The following RFX7 variants were observed in gnomAD, a reference collection of about 807,000 sequenced individuals.
The protein encoded by RFX7 is DNA-binding protein RFX7.
RFX7 carries 26 observed loss-of-function variants against 111.8 expected under a neutral mutation model. That is an observed-to-expected ratio of 0.23 (90% confidence interval 0.17 to 0.32). The LOEUF (loss-of-function observed/expected upper bound fraction) is 0.32. Ranked by LOEUF, RFX7 falls within the 10% of genes least tolerant of loss-of-function variation. The probability of loss-of-function intolerance (pLI) is 1.00; values close to 1 mark genes in which losing one functional copy is unlikely to be tolerated. For missense variants in RFX7, 1,573 were observed against 1,772.9 expected, an observed-to-expected ratio of 0.89 and a Z score of 2.02; for synonymous variants, 624 against 624.4, an observed-to-expected ratio of 1.00 and a Z score of 0.01.
At chr15:56,211,743 G>A (rs1329925344) in intron 2 of RFX7, among the ~76,000 whole-genome samples, 1 of 152,094 alleles carries the variant, frequency 6.6e-6, no homozygotes, top group Non-Finnish European at 1.5e-5. Context: ...CTTCACCGAA[G>A]ATGTACAGAT....
At chr15:56,171,026 T>C (rs777782201) in intron 3 of RFX7, among the ~76,000 whole-genome samples, 3 of 152,126 alleles carry the variant, frequency 2.0e-5, no homozygotes, top group Non-Finnish European at 2.9e-5. Flanking sequence ...ACGACTATGA[T>C]GATAGTGTGG....
At chr15:56,151,783 A>C (rs552759684) in intron 3 of RFX7, among the ~76,000 whole-genome samples, 28 of 152,340 alleles carry the variant, frequency 1.8e-4, no homozygotes, top group African/African-American at 6.3e-4. Flanking sequence ...TAAAGAGTCA[A>C]GACCCATCAG....
At chr15:56,197,708 T>C (rs2043158336) in intron 2 of RFX7, among the ~76,000 whole-genome samples, 1 of 152,052 alleles carries the variant, frequency 6.6e-6, no homozygotes. Context: ...AAAGTAGGGA[T>C]AGGAGTGTGG....
rs370288561 is a variant in RFX7, at chr15:56,094,773, G to A, written c.2955C>T (p.Ala985=). 15 of 1,610,930 alleles carry A rather than the reference G, an allele frequency of 9.3e-6. No individual in the cohort carries two copies. The highest frequency in any genetic ancestry group is 1.7e-5 in the Admixed American group (1 of 59,586). The change falls in exon 10 of 10, where the codon GCC becomes GCT. Residue 985 remains alanine, a synonymous_variant. Coordinates refer to ENST00000559447, the MANE Select transcript of RFX7 (RefSeq NM_022841.7). ...LSRESPCSRL[A]QTTPVDSALG... Reference sequence around the variant, plus strand: ...AAGCACTATCCACAGGTGTAGTCTGGGCTAGCCTGGAGCAAGGGCTCTCCC... The same window carrying A: ...AAGCACTATCCACAGGTGTAGTCTGAGCTAGCCTGGAGCAAGGGCTCTCCC...
chr15:56,203,995 G>A (rs1232436585), intron 2 of RFX7, among the ~76,000 whole-genome samples: 1 of 150,896 alleles, frequency 6.6e-6, no homozygotes, highest in Non-Finnish European at 1.5e-5. Flanking sequence ...GGGTCTGATT[G>A]GGACCTCTTT....
intron 2 of RFX7, among the ~76,000 whole-genome samples, chr15:56,226,898 T>C (rs772463954): frequency 1.5e-4 from 23 of 152,000 alleles, no homozygotes; most frequent in Non-Finnish European, 2.8e-4. Context: ...GGAGTGGGAG[T>C]GGCCAACCAT....
chr15:56,220,549 CTTAAT>C (rs1299040988), intron 2 of RFX7, among the ~76,000 whole-genome samples: 88 of 151,504 alleles, frequency 5.8e-4, no homozygotes, highest in Admixed American at 5.3e-4. Context: ...TTTTTTTCTG[CTTAAT>C]TTAAGTTCCT....
intron 5 of RFX7, among the ~76,000 whole-genome samples, chr15:56,142,214 A>T (rs1387376772): frequency 6.6e-6 from 1 of 152,190 alleles, no homozygotes; most frequent in Non-Finnish European, 1.5e-5. Context: ...AGGGCTCATC[A>T]GCCTCTGTAT....
chr15:56,143,354 TACACAC>T (rs10596362), intron 4 of RFX7, among the ~76,000 whole-genome samples: 31 of 149,822 alleles, frequency 2.1e-4, no homozygotes, highest in African/African-American at 7.1e-4. Context: ...CATATATACA[TACACAC>T]ACACACACAC....
In RFX7 at chr15:56,137,236, A is replaced by G. The variant is rs2042316433; in HGVS notation, c.401+5542T>C. Among the ~76,000 whole-genome samples the G allele has an allele frequency of 3.3e-5, 5 of 152,068 alleles. No homozygotes were observed. The South Asian group carries it at 1.0e-3, about 32-fold the overall frequency. ...TCTGGTAGAATTCGGCTGTGCATCC[A>G]TCTGGTCCTGGACTCTTTTTGGTTG... On this transcript the variant is annotated intron_variant, in intron 5 of 9. Coordinates refer to ENST00000559447, the MANE Select transcript of RFX7 (RefSeq NM_022841.7).
At chr15:56,225,481 T>C (rs979247331) in intron 2 of RFX7, among the ~76,000 whole-genome samples, 1 of 152,162 alleles carries the variant, frequency 6.6e-6, no homozygotes, top group African/African-American at 2.4e-5. Context: ...TAAACAATTA[T>C]AGAGATTTTA....
chr15:56,156,945 G>A (rs901175545), intron 3 of RFX7, among the ~76,000 whole-genome samples: 2 of 152,282 alleles, frequency 1.3e-5, no homozygotes, highest in Middle Eastern at 3.4e-3. Context: ...GATTCAGTAG[G>A]TCTCAAGTGG....
intron 2 of RFX7, among the ~76,000 whole-genome samples, chr15:56,235,425 C>T (rs1398624401): frequency 2.6e-5 from 4 of 152,118 alleles, no homozygotes; most frequent in African/African-American, 7.2e-5. Flanking sequence ...CCGCCCACCT[C>T]GGCCTCCCAA....
At chr15:56,230,927 T>A (rs755155902) in intron 2 of RFX7, among the ~76,000 whole-genome samples, 4 of 152,180 alleles carry the variant, frequency 2.6e-5, no homozygotes, top group Non-Finnish European at 5.9e-5. Flanking sequence ...ACCCCAACTC[T>A]ACTAAAAATA....
At chr15:56,131,921 A>T (rs1371265573) in intron 5 of RFX7, among the ~76,000 whole-genome samples, 1 of 152,034 alleles carries the variant, frequency 6.6e-6, no homozygotes, top group African/African-American at 2.4e-5. Flanking sequence ...CAACATAAAA[A>T]TAACAGAAAT....
intron 2 of RFX7, among the ~76,000 whole-genome samples, chr15:56,180,622 C>A (rs1266106162): frequency 1.3e-5 from 2 of 151,934 alleles, no homozygotes; most frequent in Non-Finnish European, 2.9e-5. Context: ...ACAGTCATTA[C>A]TGGCCAGGCG....
chr15:56,112,378 T>TAAAA (rs1567012402), intron 5 of RFX7, among the ~76,000 whole-genome samples: 1 of 3,810 alleles, frequency 2.6e-4, no homozygotes, highest in African/African-American at 8.5e-4. Context: ...AGAGTACAAA[T>TAAAA]CAAAAAAAAA....
intron 2 of RFX7, among the ~76,000 whole-genome samples, chr15:56,224,079 A>G (rs2043455150): frequency 6.6e-6 from 1 of 151,716 alleles, no homozygotes; most frequent in Non-Finnish European, 1.5e-5. Context: ...TAAATGTGTG[A>G]TGCAGCTGGA....
chr15:56,095,220 A>G lies in RFX7; in HGVS notation c.2508T>C (p.His836=). ...MPQDTYSQQL[H]SQIQESSLNQ... ...TTAAAGAAGATTCCTGTATCTGGCT[A>G]TGTAGCTGCTGGCTATATGTGTCCT... Residue 836 remains histidine (H), a synonymous_variant, in exon 10 of 10, where the codon CAT becomes CAC. Coordinates refer to ENST00000559447, the MANE Select transcript of RFX7 (RefSeq NM_022841.7). 2.5e-6 allele frequency: 4 copies of G among 1,613,932 alleles called. No individual in the cohort carries two copies. The highest frequency in any genetic ancestry group is 3.4e-6 in the Non-Finnish European group (4 of 1,179,778).
Sources: gnomAD v4.1 joint callset for allele counts (sites outside exome capture counted in the v4.1 genomes callset) on GRCh38, gnomAD v4.1.1 for gene constraint, MANE v1.5 for transcripts, NCBI Gene and HGNC (gene_info 2026-07-23, HGNC 2026-07-21) for gene names.